The following IGSF11 variants were observed in gnomAD, a reference collection of about 807,000 sequenced individuals.
The protein encoded by IGSF11 is immunoglobulin superfamily member 11, also known as CXADR like 1.
Under a neutral mutation model 41.0 loss-of-function variants are expected in IGSF11, and 22 were observed. The observed-to-expected ratio is 0.54, with a 90% CI of 0.38 to 0.77. The LOEUF is 0.77. Among genes scored for constraint, IGSF11 ranks in the 30% least tolerant of loss-of-function variants. The probability of loss-of-function intolerance (pLI) is 0.00; values close to 1 mark genes in which losing one functional copy is unlikely to be tolerated. For synonymous variants in IGSF11, 219 were observed against 201.3 expected (o/e 1.09, Z -0.74); for missense variants, 444 against 530.8 (o/e 0.84, Z 1.61).
intron 1 of IGSF11, among the ~76,000 whole-genome samples, chr3:119,018,973 G>A (rs568341340): frequency 1.1e-4 from 16 of 152,336 alleles, no homozygotes; most frequent in Non-Finnish European, 1.6e-4. Flanking sequence ...TCAGTTTACT[G>A]TGAGCACCTC....
chr3:118,967,254 G>T (rs916573544), intron 1 of IGSF11, among the ~76,000 whole-genome samples: 8 of 151,954 alleles, frequency 5.3e-5, no homozygotes, highest in African/African-American at 1.9e-4. Flanking sequence ...TAAATGTCCA[G>T]ATATAACAGT....
chr3:118,913,164 G>A (rs144523567), intron 4 of IGSF11, among the ~76,000 whole-genome samples: 95 of 150,762 alleles, frequency 6.3e-4, no homozygotes, highest in Non-Finnish European at 9.6e-4. Context: ...AGACATTTAC[G>A]GATAAGCAAA....
At chr3:118,944,339 T>C (rs1227932306) in intron 1 of IGSF11, among the ~76,000 whole-genome samples, 6 of 152,158 alleles carry the variant, frequency 3.9e-5, no homozygotes, top group Admixed American at 2.6e-4. Context: ...ATCTGACCTT[T>C]GCCTGTTCTT....
chr3:119,130,560 G>T (rs192754998), intron 1 of IGSF11, among the ~76,000 whole-genome samples: 1 of 152,324 alleles, frequency 6.6e-6, no homozygotes, highest in East Asian at 1.9e-4. Context: ...CAGGAAGCTC[G>T]AACTGGGCAG....
Position 119,080,386 on chromosome 3 carries a change from T to G in IGSF11, c.49+24758A>C, listed in dbSNP as rs560616745. On this transcript the variant is annotated intron_variant, in intron 1 of 6. Coordinates refer to the IGSF11 transcript ENST00000354673. ...TCCCTCTCATTTTACTCCAAAAAAA[T>G]TATGGACATTTGCAAACCACAGCTT... Among the ~76,000 whole-genome samples, 3 of 152,190 alleles carry G rather than the reference T, an allele frequency of 2.0e-5. No homozygotes were observed. In the South Asian group the frequency reaches 6.2e-4, roughly 32 times the overall value.
intron 1 of IGSF11, among the ~76,000 whole-genome samples, chr3:119,057,961 C>G (rs1484139526): frequency 6.6e-6 from 1 of 152,220 alleles, no homozygotes; most frequent in African/African-American, 2.4e-5. Context: ...ACACCTTATA[C>G]AAACATTAAT....
intron 4 of IGSF11, among the ~76,000 whole-genome samples, chr3:118,921,244 GA>G (rs1941753406): frequency 6.6e-6 from 1 of 152,146 alleles, no homozygotes; most frequent in African/African-American, 2.4e-5. Flanking sequence ...ACAAAGGGAA[GA>G]ATATCTATCC....
At position 119,131,414 on chromosome 3, in the gene IGSF11, C is replaced by T. The variant is rs181488464; in HGVS notation, c.-14+14399G>A. On this transcript the variant is annotated intron_variant, in intron 1 of 7. Coordinates refer to the IGSF11 transcript ENST00000425327. The stretch of plus-strand genomic sequence containing the variant: ...AAGAACTTCATGATGCGTACACAAG[C>T]TTCACAGCAGATTCATTCAAGTGGA... 2.0e-5 allele frequency among the ~76,000 whole-genome samples: 3 copies of T among 152,190 alleles called. No individual in the cohort carries two copies. In the East Asian group the frequency reaches 5.8e-4, roughly 29 times the overall value.
At chr3:118,985,881 T>C (rs1317798383) in intron 1 of IGSF11, among the ~76,000 whole-genome samples, 1 of 152,122 alleles carries the variant, frequency 6.6e-6, no homozygotes, top group Non-Finnish European at 1.5e-5. Flanking sequence ...TCTTAAAAAA[T>C]GCAAATTTGA....
intron 1 of IGSF11, among the ~76,000 whole-genome samples, chr3:119,094,188 C>G (rs1030895501): frequency 2.6e-5 from 2 of 76,320 alleles, no homozygotes; most frequent in Non-Finnish European, 5.6e-5. Flanking sequence ...TTTCAAGTCC[C>G]CACATAAAAT....
At chr3:119,028,764 A>G (rs112253231) in intron 1 of IGSF11, among the ~76,000 whole-genome samples, 3 of 152,284 alleles carry the variant, frequency 2.0e-5, no homozygotes, top group African/African-American at 4.8e-5. Context: ...ACCAAGGTGT[A>G]AAGATTAGTT....
At chr3:119,032,723 G>A (rs962630719) in intron 1 of IGSF11, among the ~76,000 whole-genome samples, 4 of 152,156 alleles carry the variant, frequency 2.6e-5, no homozygotes, top group Admixed American at 1.3e-4. Context: ...ACTTTTCCAA[G>A]AAGTCTTACT....
chr3:119,113,460 C>T lies in IGSF11; in HGVS notation c.-13-8255G>A, dbSNP rs562503832. On this transcript the variant is annotated intron_variant, in intron 1 of 7. Coordinates refer to the IGSF11 transcript ENST00000425327. ...CTACAGGTCCCATGGAAGTCCAAAA[C>T]CCAGGATGACACTCATTAAATCTTA... Among the ~76,000 whole-genome samples the T allele has an allele frequency of 2.0e-5, 3 of 152,338 alleles. No individual in the cohort carries two copies. The South Asian group carries it at 6.2e-4, about 32-fold the overall frequency.
chr3:118,990,565 A>T (rs1935695923), intron 1 of IGSF11, among the ~76,000 whole-genome samples: 1 of 152,220 alleles, frequency 6.6e-6, no homozygotes, highest in Non-Finnish European at 1.5e-5. Flanking sequence ...GGGTTTTAAT[A>T]ATCTTACATA....
At chr3:118,910,463 C>G (rs1052196645) in intron 4 of IGSF11, among the ~76,000 whole-genome samples, 1 of 152,208 alleles carries the variant, frequency 6.6e-6, no homozygotes, top group Non-Finnish European at 1.5e-5. Flanking sequence ...TTCTCCACCC[C>G]TGTCACTAGG....
chr3:119,092,338 T>G (rs938683289), intron 1 of IGSF11, among the ~76,000 whole-genome samples: 2 of 152,142 alleles, frequency 1.3e-5, no homozygotes, highest in Non-Finnish European at 2.9e-5. Context: ...GTTTCTTTCT[T>G]TCTTTTTTTT....
At chr3:119,118,464 C>T (rs1030624474) in intron 1 of IGSF11, among the ~76,000 whole-genome samples, 4 of 152,180 alleles carry the variant, frequency 2.6e-5, no homozygotes, top group Non-Finnish European at 5.9e-5. Flanking sequence ...ATGCAAGGCA[C>T]CAAGTCCCTA....
chr3:119,020,628 G>A (rs919755942), intron 1 of IGSF11, among the ~76,000 whole-genome samples: 5 of 152,254 alleles, frequency 3.3e-5, no homozygotes, highest in African/African-American at 1.2e-4. Flanking sequence ...ATCCTCAGAC[G>A]CCTGAAGCAT....
chr3:119,038,368 CATTCCTAGATAGG>C (rs1940991208), upstream of IGSF11, among the ~76,000 whole-genome samples: 1 of 152,190 alleles, frequency 6.6e-6, no homozygotes, highest in Non-Finnish European at 1.5e-5. Flanking sequence ...CTCTGTCAAC[CATTCCTAGATAGG>C]ATTTACAAGG....
Sources: gnomAD v4.1 joint callset for allele counts (sites outside exome capture counted in the v4.1 genomes callset) on GRCh38, gnomAD v4.1.1 for gene constraint, MANE v1.5 for transcripts, NCBI Gene and HGNC (gene_info 2026-07-23, HGNC 2026-07-21) for gene names.